Variants in AACS observed in about 807,000 individuals in gnomAD.
AACS encodes acetoacetyl-CoA synthetase, also known as acetoacetate-CoA ligase.
In AACS, 69 loss-of-function variants were observed where a neutral mutation model predicts 83.1. That is an observed-to-expected ratio of 0.83 (90% CI 0.68 to 1.01). The LOEUF is 1.01. Among genes scored for constraint, AACS ranks in the 50% least tolerant of loss-of-function variants. The pLI, the probability that AACS is intolerant of heterozygous loss-of-function variation, is 0.00. For missense variants in AACS, 866 were observed against 882.2 expected (o/e 0.98, Z 0.23); for synonymous variants, 333 against 343.4 (o/e 0.97, Z 0.33).
rs1472966659 is a variant in AACS, at chr12:125,097,211, C to CAAA, written c.571-5468_571-5467insAAA. ...ATTTTGGGGCTTTCTGCAACCACCT[C>CAAA]TGTGTAGCAGTTTAGAGCAGAAGAA... On this transcript the variant is annotated intron_variant, in intron 5 of 17. Coordinates refer to ENST00000316519, the MANE Select transcript of AACS (RefSeq NM_023928.5). The surrounding 1 kb of genome is among the most constrained non-coding windows in gnomAD (Gnocchi z 4.3). 6.6e-6 allele frequency among the ~76,000 whole-genome samples: 1 copy of CAAA among 152,024 alleles called. No individual in the cohort carries two copies. The highest frequency in any genetic ancestry group is 2.4e-5 in the African/African-American group (1 of 41,398).
chr12:125,097,433 TAA>T lies in AACS; in HGVS notation c.571-5230_571-5229del, dbSNP rs35791342. Among the ~76,000 whole-genome samples the T allele has an allele frequency of 1.4e-4, 19 of 136,050 alleles. No individual in the cohort carries two copies. Among genetic ancestry groups the T allele is most frequent in the African/African-American group, 3.0e-4 (11 of 36,486 alleles). The allele number at this position is 136,050 out of a possible 152,430, so 89.3% of individuals were successfully genotyped here. A position where few individuals can be genotyped will look rare whatever the true frequency, so the allele number is the denominator to read the frequency against. On this transcript the variant is annotated intron_variant, in intron 5 of 17. Transcript: ENST00000316519. This position sits in a 1 kb window ranked among gnomAD's most constrained non-coding sequence, Gnocchi z 4.3. Reference sequence around the variant, plus strand: ...TGCTGAAGTTGGCCAATGTTTTACTTAAAAAAAAAAAAAAAAAGTGCGTTGGG... The same window carrying T: ...TGCTGAAGTTGGCCAATGTTTTACTTAAAAAAAAAAAAAAAGTGCGTTGGG...
At chr12:125,065,923 C>T (rs1955677763) in intron 1 of AACS, among the ~76,000 whole-genome samples, 1 of 152,222 alleles carries the variant, frequency 6.6e-6, no homozygotes, top group Non-Finnish European at 1.5e-5. Context: ...GACTCTGCAG[C>T]GTCTCCTCTG....
chr12:125,136,952 C>G, intron 17 of AACS, 88 bp downstream of exon 17: 3 of 1,385,958 alleles, frequency 2.2e-6, no homozygotes, highest in Non-Finnish European at 3.0e-6. Flanking sequence ...AGCAGCTTGC[C>G]GGTGCTTTAT....
At chr12:125,120,399 C>T (rs1408695804) in intron 10 of AACS, 1 of 152,162 alleles carries the variant, frequency 6.6e-6, no homozygotes, top group African/African-American at 2.4e-5. Flanking sequence ...AGGAGCCACT[C>T]ATGTTTTTAA....
At chr12:125,128,061 A>G (rs1957273390) in intron 12 of AACS, 100 bp from the exon 13 acceptor site, 2 of 772,188 alleles carry the variant, frequency 2.6e-6, no homozygotes, top group South Asian at 4.1e-5. Context: ...GGGAGAGTAG[A>G]TATTTGTCCT....
intron 3 of AACS, among the ~76,000 whole-genome samples, chr12:125,084,522 G>A (rs1252440037): frequency 1.3e-5 from 2 of 151,600 alleles, no homozygotes; most frequent in Non-Finnish European, 2.9e-5. Flanking sequence ...TCCCATCTCA[G>A]CCTCCCAAGC....
rs946930624 is a variant in AACS, at chr12:125,065,726, C to A, written c.133+9C>A. 2.0e-6 allele frequency: 3 copies of A among 1,524,386 alleles called. No individual in the cohort carries two copies. Among genetic ancestry groups the A allele is most frequent in the Non-Finnish European group, 1.8e-6 (2 of 1,136,434 alleles). 94.4% of individuals were successfully genotyped at this position (1,524,386 alleles called of 1,614,324 possible). Reference sequence around the variant, plus strand: ...CTGCGGCCTGGCGCTGGGTGAGAGTCGGGCGCGCGGCCGGGCCTGCGGGGG... The same window carrying A: ...CTGCGGCCTGGCGCTGGGTGAGAGTAGGGCGCGCGGCCGGGCCTGCGGGGG... On this transcript the variant is annotated intron_variant, in intron 1 of 17. Coordinates refer to ENST00000316519, the MANE Select transcript of AACS (RefSeq NM_023928.5).
At chr12:125,092,441 A>G (rs1366561106) in intron 5 of AACS, 3 of 152,264 alleles carry the variant, frequency 2.0e-5, no homozygotes, top group Non-Finnish European at 4.4e-5. Context: ...GTCTACTTAG[A>G]GGCTTGCTTT....
intron 5 of AACS, among the ~76,000 whole-genome samples, chr12:125,098,515 G>T (rs1423411530): frequency 4.0e-5 from 6 of 149,930 alleles, no homozygotes; most frequent in Non-Finnish European, 8.9e-5. Context: ...GCAGTGGCAT[G>T]ATCTCAGCTC....
intron 8 of AACS, among the ~76,000 whole-genome samples, chr12:125,109,772 T>C (rs1263743903): frequency 6.6e-6 from 1 of 152,168 alleles, no homozygotes; most frequent in Admixed American, 6.6e-5. Flanking sequence ...TTGGGCTTCT[T>C]CGTCTTCCGT....
chr12:125,115,018 C>T (rs1014259659), intron 9 of AACS, among the ~76,000 whole-genome samples: 4 of 152,174 alleles, frequency 2.6e-5, no homozygotes, highest in Non-Finnish European at 4.4e-5. Flanking sequence ...GCTTCCCCAG[C>T]GCACGGTGTC....
intron 8 of AACS, among the ~76,000 whole-genome samples, chr12:125,109,363 C>T (rs578166792): frequency 6.6e-6 from 1 of 151,598 alleles, no homozygotes; most frequent in South Asian, 2.1e-4. Context: ...GTGATCCTCT[C>T]GCCTTGGCCT....
chr12:125,095,926 C>G (rs1016189938), intron 5 of AACS, among the ~76,000 whole-genome samples: 2 of 152,230 alleles, frequency 1.3e-5, no homozygotes, highest in Non-Finnish European at 2.9e-5. Context: ...AAGTCACTCA[C>G]CCCGTTCCTG....
intron 3 of AACS, among the ~76,000 whole-genome samples, chr12:125,084,084 T>C (rs535725289): frequency 7.4e-4 from 113 of 152,150 alleles, no homozygotes; most frequent in African/African-American, 2.6e-3. Flanking sequence ...TCTCAGCACA[T>C]TGGGAGTTCG....
rs906430233 is a variant in AACS at position 125,097,618 on chromosome 12, G to A, written c.571-5061G>A. On this transcript the variant is annotated intron_variant, in intron 5 of 17. Transcript: ENST00000316519. The surrounding 1 kb of genome is among the most constrained non-coding windows in gnomAD (Gnocchi z 4.3). Reference sequence around the variant, plus strand: ...CCGTGCCTTCCGCAGTGGCCAAGGTGTTCAGCTGGAGGAAGACCCCTCCTT... The same window carrying A: ...CCGTGCCTTCCGCAGTGGCCAAGGTATTCAGCTGGAGGAAGACCCCTCCTT... Among the ~76,000 whole-genome samples, 9 of 152,152 alleles carry A rather than the reference G, an allele frequency of 5.9e-5. No individual in the cohort carries two copies. The highest frequency in any genetic ancestry group is 4.6e-4 in the Admixed American group (7 of 15,274).
chr12:125,127,931 G>A (rs1957271573), intron 12 of AACS: 1 of 376,940 alleles, frequency 2.7e-6, no homozygotes, highest in East Asian at 4.4e-5. Flanking sequence ...CCTCTGGCAG[G>A]AAGGCTCGGC....
chr12:125,077,932 C>T (rs1360024462), intron 3 of AACS, among the ~76,000 whole-genome samples: 2 of 152,186 alleles, frequency 1.3e-5, no homozygotes, highest in Non-Finnish European at 2.9e-5. Flanking sequence ...TGGTCTCGAA[C>T]TCCTGACCTC....
chr12:125,103,215 C>A, intron 7 of AACS, 134 bp downstream of exon 7: 2 of 713,466 alleles, frequency 2.8e-6, no homozygotes, highest in South Asian at 1.8e-5. Flanking sequence ...TTAAAAGCAT[C>A]ATTTTGTAGA....
intron 1 of AACS, among the ~76,000 whole-genome samples, chr12:125,069,999 T>G (rs1390310091): frequency 2.0e-5 from 3 of 151,948 alleles, no homozygotes; most frequent in African/African-American, 7.3e-5. Context: ...AATCCAGGAG[T>G]GGCCAACCCG....
Sources: gnomAD v4.1 joint callset for allele counts (sites outside exome capture counted in the v4.1 genomes callset) on GRCh38, gnomAD v4.1.1 for gene constraint, Gnocchi (gnomAD v3.1) non-coding constraint, MANE v1.5 for transcripts, NCBI Gene and HGNC (gene_info 2026-07-23, HGNC 2026-07-21) for gene names.